RPAP2: variants seen among roughly 807,000 people sequenced by gnomAD.
The protein encoded by RPAP2 is putative RNA polymerase II subunit B1 CTD phosphatase RPAP2.
A neutral mutation model predicts 73.1 loss-of-function variants in RPAP2; 52 were observed. The ratio of observed to expected loss-of-function variants is 0.71; its 90% confidence interval spans 0.57 to 0.90. The LOEUF is 0.90. Among genes scored for constraint, RPAP2 ranks in the 40% least tolerant of loss-of-function variants. The probability of loss-of-function intolerance (pLI) is 0.00; values close to 1 mark genes in which losing one functional copy is unlikely to be tolerated. For missense variants in RPAP2, 598 were observed against 701.8 expected (o/e 0.85, Z 1.67); for synonymous variants, 225 against 242.1 (o/e 0.93, Z 0.65).
intron 10 of RPAP2, among the ~76,000 whole-genome samples, chr1:92,336,992 C>T (rs1006006962): frequency 1.3e-5 from 2 of 152,062 alleles, no homozygotes. Flanking sequence ...GATAAAAATA[C>T]TCACTCAGGC....
At chr1:92,314,160 G>A (rs769397069) in intron 6 of RPAP2, among the ~76,000 whole-genome samples, 5 of 152,048 alleles carry the variant, frequency 3.3e-5, no homozygotes, top group Middle Eastern at 3.2e-3. Flanking sequence ...CACAACTTGC[G>A]TACTGGCAAA....
In RPAP2 at chr1:92,400,958, G is replaced by C. The variant is rs1312911440; in HGVS notation, c.*13947G>C. 1 of 152,242 alleles carries C rather than the reference G, an allele frequency of 6.6e-6. No individual in the cohort carries two copies. The allele number at this position is 152,242 out of a possible 1,614,324, so 9.4% of individuals were successfully genotyped here. On this transcript the variant is annotated 3_prime_UTR_variant, in exon 13 of 13. Transcript: ENST00000610020. ...CAGGAAACTTACAATCATAGCAGAA[G>C]GCAAAGGGGAAGAAAGGCACCTTCT...
At chr1:92,381,590 T>TTC (rs1394290261) in intron 12 of RPAP2, among the ~76,000 whole-genome samples, 23 of 144,474 alleles carry the variant, frequency 1.6e-4, no homozygotes, top group East Asian at 1.6e-3. Context: ...GAGATTTTCT[T>TTC]TTTTTTTTTT....
At chr1:92,313,182 G>T (rs142315631) in intron 6 of RPAP2, among the ~76,000 whole-genome samples, 2 of 152,232 alleles carry the variant, frequency 1.3e-5, no homozygotes, top group Non-Finnish European at 2.9e-5. Flanking sequence ...TGTTCTTAAT[G>T]ACATCTAGAA....
chr1:92,324,159 C>G lies in RPAP2; in HGVS notation c.1239C>G (p.Ile413Met). Residue 413 changes from isoleucine to methionine, a missense_variant, in exon 8 of 13, where the codon ATC becomes ATG. Physicochemically the swap from Ile to Met is conservative, Grantham distance 10. Around this residue, in one of 3 missense-constraint regions of RPAP2, gnomAD observed 506 missense variants for 612.8 expected, o/e 0.83. Coordinates refer to ENST00000610020, the MANE Select transcript of RPAP2 (RefSeq NM_024813.3). The stretch of plus-strand genomic sequence containing the variant: ...AAGAACTTGATGAAGATGACATAAT[C>G]TCAGATCCAGATAGTCATTTCCCTG... ...VKEELDEDDI[I>M]SDPDSHFPAW... The G allele has an allele frequency of 6.2e-7, 1 of 1,614,134 alleles. No individual in the cohort carries two copies. Among genetic ancestry groups the G allele is most frequent in the Non-Finnish European group, 8.5e-7 (1 of 1,179,990 alleles).
chr1:92,316,992 A>T (rs1651942300), intron 6 of RPAP2, among the ~76,000 whole-genome samples: 1 of 152,192 alleles, frequency 6.6e-6, no homozygotes, highest in Non-Finnish European at 1.5e-5. Flanking sequence ...AAATTACACA[A>T]AGGAGAAGAA....
chr1:92,387,080 T>A lies in RPAP2; in HGVS notation c.*69T>A, dbSNP rs1032747653. On this transcript the variant is annotated 3_prime_UTR_variant, in exon 13 of 13. Coordinates refer to ENST00000610020, the MANE Select transcript of RPAP2 (RefSeq NM_024813.3). ...GTTTCTGGAATTCTAGCCGCCATGA[T>A]GGTCTGGTGGTGACTGATAACTAGT... 2.0e-6 allele frequency: 3 copies of A among 1,483,006 alleles called. No individual in the cohort carries two copies. The African/African-American group carries it at 4.2e-5, about 21-fold the overall frequency. 91.9% of individuals were successfully genotyped at this position (1,483,006 alleles called of 1,614,324 possible).
At chr1:92,311,351 T>A (rs935847196) in intron 6 of RPAP2, among the ~76,000 whole-genome samples, 31 of 152,224 alleles carry the variant, frequency 2.0e-4, no homozygotes, top group Middle Eastern at 3.2e-3. Flanking sequence ...AGGAAATATT[T>A]ATTAAAATGA....
chr1:92,370,857 C>G (rs1177941178), intron 11 of RPAP2, among the ~76,000 whole-genome samples: 1 of 152,110 alleles, frequency 6.6e-6, no homozygotes, highest in Non-Finnish European at 1.5e-5. Context: ...AAATATACCC[C>G]ATGCAAGAAT....
At chr1:92,381,586 TTC>T (rs1305411037) in intron 12 of RPAP2, among the ~76,000 whole-genome samples, 1 of 59,532 alleles carries the variant, frequency 1.7e-5, no homozygotes, top group East Asian at 8.1e-4. Context: ...CAGGGAGATT[TTC>T]TTTTTTTTTT....
chr1:92,321,630 A>G (rs1325250214), intron 7 of RPAP2, among the ~76,000 whole-genome samples: 2 of 151,988 alleles, frequency 1.3e-5, no homozygotes, highest in Admixed American at 1.3e-4. Context: ...CTTTTTCGTA[A>G]TTCTTCATCT....
intron 11 of RPAP2, among the ~76,000 whole-genome samples, chr1:92,359,467 G>A (rs1451212670): frequency 6.6e-6 from 1 of 152,190 alleles, no homozygotes; most frequent in Non-Finnish European, 1.5e-5. Flanking sequence ...TTACAGGCAT[G>A]CGCCACCATG....
At chr1:92,377,061 T>A (rs996328608) in intron 11 of RPAP2, among the ~76,000 whole-genome samples, 3 of 152,196 alleles carry the variant, frequency 2.0e-5, no homozygotes, top group African/African-American at 7.2e-5. Context: ...ACCAATACTA[T>A]AATTGATAAA....
At chr1:92,345,708 C>G in intron 10 of RPAP2, 138 bp from the exon 11 acceptor site, 1 of 588,126 alleles carries the variant, frequency 1.7e-6, no homozygotes, top group African/African-American at 1.9e-5. Flanking sequence ...ACTATTGACT[C>G]TTTCCTGTCA....
intron 3 of RPAP2, among the ~76,000 whole-genome samples, chr1:92,302,363 AC>A (rs1650910967): frequency 6.6e-6 from 1 of 151,566 alleles, no homozygotes; most frequent in Admixed American, 6.6e-5. Flanking sequence ...AATATATTTT[AC>A]CCTTAGTCAT....
At chr1:92,315,179 A>T (rs2101142661) in intron 6 of RPAP2, among the ~76,000 whole-genome samples, 1 of 152,302 alleles carries the variant, frequency 6.6e-6, no homozygotes, top group Non-Finnish European at 1.5e-5. Context: ...TAAAGTTACT[A>T]ATTGGCCTAA....
Position 92,304,120 on chromosome 1 carries a change from A to G in RPAP2, c.333+45A>G, listed in dbSNP as rs773995248. ...TAAAATATAGGCTTTTATTATTTTC[A>G]TTTAGCAAAATACTTTGTTGTAAGA... is the stretch of plus-strand genomic sequence containing the variant. On this transcript the variant is annotated intron_variant, in intron 4 of 12. Transcript: ENST00000610020. 7.2e-6 allele frequency: 10 copies of G among 1,387,356 alleles called. No individual in the cohort carries two copies. The African/African-American group carries it at 1.3e-4, about 18-fold the overall frequency. 85.9% of individuals were successfully genotyped at this position (1,387,356 alleles called of 1,614,324 possible).
Position 92,399,733 on chromosome 1 carries a change from C to T in RPAP2, c.*12722C>T, listed in dbSNP as rs902388014. The T allele has an allele frequency of 8.5e-5, 13 of 152,162 alleles. No individual in the cohort carries two copies. The highest frequency in any genetic ancestry group is 2.9e-4 in the African/African-American group (12 of 41,430). The allele number at this position is 152,162 out of a possible 1,614,324, so 9.4% of individuals were successfully genotyped here. A position where few individuals can be genotyped will look rare whatever the true frequency, so the allele number is the denominator to read the frequency against. On this transcript the variant is annotated 3_prime_UTR_variant, in exon 13 of 13. Coordinates refer to ENST00000610020, the MANE Select transcript of RPAP2 (RefSeq NM_024813.3). ...CACCTTGCTCACTCCCACATCCTTACCTCTTATCCTTCTCACATCGTCCCA... is the reference window on the plus strand; with the variant it reads ...CACCTTGCTCACTCCCACATCCTTATCTCTTATCCTTCTCACATCGTCCCA...
At chr1:92,327,352 C>A (rs908619683) in intron 8 of RPAP2, among the ~76,000 whole-genome samples, 1 of 152,144 alleles carries the variant, frequency 6.6e-6, no homozygotes, top group East Asian at 1.9e-4. Flanking sequence ...GGTTTAGATG[C>A]ATATTTATTT....
Sources: gnomAD v4.1 joint callset for allele counts (sites outside exome capture counted in the v4.1 genomes callset) on GRCh38, gnomAD v4.1.1 for gene constraint, gnomAD v4.1.1 regional missense constraint, MANE v1.5 for transcripts, NCBI Gene and HGNC (gene_info 2026-07-23, HGNC 2026-07-21) for gene names.